The following ZHX3 variants were observed in gnomAD, a reference collection of about 807,000 sequenced individuals.
The protein encoded by ZHX3 is zinc fingers and homeoboxes protein 3.
In ZHX3, 20 loss-of-function variants were observed where a neutral mutation model predicts 64.5. The observed-to-expected ratio is 0.31, with a 90% CI of 0.22 to 0.45. ZHX3 has a LOEUF of 0.45. Ranked by LOEUF, ZHX3 falls within the 20% of genes least tolerant of loss-of-function variation. ZHX3 has a pLI of 1.00. For synonymous variants in ZHX3, 423 were observed against 461.6 expected (o/e 0.92, Z 1.07); for missense variants, 1,041 against 1,195.8 (o/e 0.87, Z 1.91).
intron 2 of ZHX3, among the ~76,000 whole-genome samples, chr20:41,256,488 G>C (rs1305976207): frequency 6.6e-6 from 1 of 151,726 alleles, no homozygotes; most frequent in Admixed American, 6.6e-5. Flanking sequence ...TTTTAGAAGG[G>C]GTATAGCTTT....
intron 3 of ZHX3, among the ~76,000 whole-genome samples, chr20:41,193,775 C>G (rs535394053): frequency 6.6e-6 from 1 of 150,748 alleles, no homozygotes; most frequent in Non-Finnish European, 1.5e-5. Context: ...GGCATGATCT[C>G]GGCTCACTGC....
chr20:41,266,943 CAAGT>C, intron 2 of ZHX3, among the ~76,000 whole-genome samples: 1 of 143,904 alleles, frequency 6.9e-6, no homozygotes, highest in Non-Finnish European at 1.5e-5. Flanking sequence ...CTCCCGGGTT[CAAGT>C]AATTCTCGCA....
At chr20:41,199,719 GCAATGGAGCCTCA>G (rs2038063437) in intron 3 of ZHX3, among the ~76,000 whole-genome samples, 3 of 82,134 alleles carry the variant, frequency 3.7e-5, no homozygotes, top group Non-Finnish European at 7.5e-5. Flanking sequence ...TTTTTTTTTT[GCAATGGAGCCTCA>G]CTCTGTTGCC....
intron 2 of ZHX3, among the ~76,000 whole-genome samples, chr20:41,207,114 AC>A (rs2038777281): frequency 1.3e-5 from 2 of 152,220 alleles, no homozygotes; most frequent in Non-Finnish European, 2.9e-5. Flanking sequence ...AGATTTTGTC[AC>A]CACCAGGCCT....
intron 2 of ZHX3, among the ~76,000 whole-genome samples, chr20:41,240,893 G>A (rs2041337627): frequency 1.3e-5 from 2 of 152,146 alleles, no homozygotes; most frequent in South Asian, 4.1e-4. Context: ...ATGTACTACA[G>A]TTTTCTTTAT....
At position 41,202,241 on chromosome 20, in the gene ZHX3, T is replaced by C. The variant is rs1397672054; in HGVS notation, c.2676A>G (p.Arg892=). Reference sequence around the variant, plus strand: ...CCTCACTGCCTGTGTCTGCCACGGCTCTGGTCTCCTCCCCCATTTTCTCAG... The same window carrying C: ...CCTCACTGCCTGTGTCTGCCACGGCCCTGGTCTCCTCCCCCATTTTCTCAG... ...WFAEKMGEET[R]AVADTGSEDQ... is the part of the protein sequence containing the mutation. Residue 892 remains arginine (R), a synonymous_variant, in exon 3 of 4, where the codon AGA becomes AGG. Transcript: ENST00000683867. The surrounding 1 kb of genome is among the most constrained non-coding windows in gnomAD (Gnocchi z 7.0). 6.2e-7 allele frequency: 1 copy of C among 1,614,184 alleles called. No individual in the cohort carries two copies.
intron 2 of ZHX3, among the ~76,000 whole-genome samples, chr20:41,256,547 A>C (rs980164367): frequency 7.3e-5 from 11 of 151,152 alleles, no homozygotes; most frequent in African/African-American, 2.7e-4. Context: ...TCCTATCTTA[A>C]TATCAAAGCA....
At chr20:41,196,909 CCAT>C (rs1248207604) in intron 3 of ZHX3, 1 of 168,800 alleles carries the variant, frequency 5.9e-6, no homozygotes, top group South Asian at 1.6e-4. Context: ...GACCACTATG[CCAT>C]CATCAAGTTC....
chr20:41,286,116 C>A (rs1183598566), intron 1 of ZHX3, among the ~76,000 whole-genome samples: 2 of 152,170 alleles, frequency 1.3e-5, no homozygotes, highest in Non-Finnish European at 1.5e-5. Flanking sequence ...CACGCTTACT[C>A]ATTCCCATTA....
rs57987896 is a variant in ZHX3 at position 41,296,232 on chromosome 20, T to TAAAAAAAAA, written c.-245+21268_-245+21276dup. On this transcript the variant is annotated intron_variant, in intron 1 of 3. Coordinates refer to ENST00000683867, the MANE Select transcript of ZHX3 (RefSeq NM_001384317.1). ...TTCCCTTCTCCTCAAGTTCATAAAG[T>TAAAAAAAAA]AAAAAAAAAAAAAAAAAAAAAAAAA... Among the ~76,000 whole-genome samples the TAAAAAAAAA allele has an allele frequency of 5.8e-4, 42 of 72,998 alleles. 8 individuals are homozygous for TAAAAAAAAA. Among genetic ancestry groups the TAAAAAAAAA allele is most frequent in the Non-Finnish European group, 1.1e-3 (36 of 33,378 alleles). 47.9% of individuals were successfully genotyped at this position (72,998 alleles called of 152,430 possible).
chr20:41,289,287 C>T (rs765158273), intron 1 of ZHX3, among the ~76,000 whole-genome samples: 15 of 152,138 alleles, frequency 9.9e-5, no homozygotes, highest in Non-Finnish European at 1.9e-4. Flanking sequence ...AGGCATGAGC[C>T]ACAGCACTCA....
intron 2 of ZHX3, among the ~76,000 whole-genome samples, chr20:41,246,290 C>T (rs2041682638): frequency 6.6e-6 from 1 of 152,188 alleles, no homozygotes; most frequent in African/African-American, 2.4e-5. Context: ...ACATTAAGTT[C>T]ATGTCAGTCC....
At chr20:41,274,351 A>G (rs979683126) in intron 1 of ZHX3, among the ~76,000 whole-genome samples, 3 of 152,178 alleles carry the variant, frequency 2.0e-5, no homozygotes, top group African/African-American at 4.8e-5. Flanking sequence ...ACTCTTTTTC[A>G]TGTAGTTCAA....
chr20:41,237,196 T>A (rs1237138576), intron 2 of ZHX3, among the ~76,000 whole-genome samples: 1 of 152,266 alleles, frequency 6.6e-6, no homozygotes, highest in African/African-American at 2.4e-5. Flanking sequence ...ATTGTGGAAG[T>A]CAGTGTGGCG....
At chr20:41,266,246 G>A (rs1041465197) in intron 2 of ZHX3, among the ~76,000 whole-genome samples, 5 of 152,176 alleles carry the variant, frequency 3.3e-5, no homozygotes, top group African/African-American at 1.2e-4. Flanking sequence ...ATAGGTAGAA[G>A]CAGAGTGGCA....
In ZHX3 at chr20:41,200,243, A is replaced by G. The variant is rs951139743; in HGVS notation, c.2860+1814T>C. On this transcript the variant is annotated intron_variant, in intron 3 of 3. Transcript: ENST00000683867. The surrounding 1 kb of genome is among the most constrained non-coding windows in gnomAD (Gnocchi z 4.2). ...ACTGCCAGCTCAACTGCTTTGGTGG[A>G]GGAAAAGATTCCTGGTGCTGCTACT... Among the ~76,000 whole-genome samples, 17 of 152,196 alleles carry G rather than the reference A, an allele frequency of 1.1e-4. No individual in the cohort carries two copies. Among genetic ancestry groups the G allele is most frequent in the African/African-American group, 3.9e-4 (16 of 41,450 alleles).
Position 41,196,664 on chromosome 20 carries a change from C to G in ZHX3, c.2860+5393G>C, listed in dbSNP as rs1480395462. ...CTTGATTTAACATTTATTTTGTGTGCCTTTTTCAAAAGAGGACACTGGAGG... is the reference window on the plus strand; with the variant it reads ...CTTGATTTAACATTTATTTTGTGTGGCTTTTTCAAAAGAGGACACTGGAGG... On this transcript the variant is annotated intron_variant, in intron 3 of 3. Coordinates refer to ENST00000683867, the MANE Select transcript of ZHX3 (RefSeq NM_001384317.1). 3.4e-5 allele frequency: 5 copies of G among 148,734 alleles called. No individual in the cohort carries two copies. In the South Asian group the frequency reaches 5.0e-4, roughly 15 times the overall value. The allele number at this position is 148,734 out of a possible 1,614,324, so 9.2% of individuals were successfully genotyped here.
At chr20:41,198,394 G>C (rs540655857) in intron 3 of ZHX3, among the ~76,000 whole-genome samples, 4 of 151,984 alleles carry the variant, frequency 2.6e-5, no homozygotes, top group Admixed American at 1.3e-4. Context: ...TACTAATAAT[G>C]ATCTCCTTCA....
chr20:41,198,256 A>T (rs903881305), intron 3 of ZHX3, among the ~76,000 whole-genome samples: 11 of 152,060 alleles, frequency 7.2e-5, no homozygotes, highest in African/African-American at 2.2e-4. Flanking sequence ...TCGGCCTCCC[A>T]AAGTGCTGGG....
Sources: allele counts gnomAD v4.1 joint callset (sites outside exome capture counted in the v4.1 genomes callset), GRCh38; gene constraint gnomAD v4.1.1; non-coding constraint Gnocchi (gnomAD v3.1); transcripts MANE v1.5; gene names NCBI Gene and HGNC (gene_info 2026-07-23, HGNC 2026-07-21).